The following KDR variants were observed in gnomAD, a reference collection of about 807,000 sequenced individuals.
KDR encodes kinase insert domain receptor, also known as vascular endothelial growth factor receptor 2.
In KDR, 43 loss-of-function variants were observed where a neutral mutation model predicts 160.9. That is an observed-to-expected ratio of 0.27 (90% CI 0.21 to 0.34). The LOEUF is 0.34. Among genes scored for constraint, KDR ranks in the 10% least tolerant of loss-of-function variants. The pLI is 1.00. For missense variants in KDR, 1,469 were observed against 1,666.4 expected (o/e 0.88, Z 2.06); for synonymous variants, 617 against 600.1 (o/e 1.03, Z -0.41).
chr4:55,105,270 C>T (rs1720417856), intron 12 of KDR, among the ~76,000 whole-genome samples: 1 of 152,210 alleles, frequency 6.6e-6, no homozygotes, highest in African/African-American at 2.4e-5. Flanking sequence ...AGCAAAATCT[C>T]TAATTCTAAC....
At chr4:55,114,308 T>C in intron 5 of KDR, 43 bp from the exon 6 acceptor site, 1 of 1,594,484 alleles carries the variant, frequency 6.3e-7, no homozygotes, top group South Asian at 1.1e-5. Context: ...AGAGAGCAAA[T>C]AAGCCTATAA....
intron 1 of KDR, among the ~76,000 whole-genome samples, chr4:55,123,699 G>C (rs1720954120): frequency 6.6e-6 from 1 of 152,118 alleles, no homozygotes; most frequent in African/African-American, 2.4e-5. Flanking sequence ...ACTGTAAGAG[G>C]TACACATGCT....
chr4:55,108,320 G>A (rs1411223942), intron 9 of KDR, among the ~76,000 whole-genome samples: 1 of 152,104 alleles, frequency 6.6e-6, no homozygotes, highest in Admixed American at 6.5e-5. Context: ...CCTCTCATCT[G>A]TATTACAGAG....
At chr4:55,101,104 C>T (rs889964529) in intron 15 of KDR, among the ~76,000 whole-genome samples, 4 of 152,244 alleles carry the variant, frequency 2.6e-5, no homozygotes, top group Admixed American at 2.6e-4. Flanking sequence ...AATTAAAACT[C>T]GGAATCCTTG....
At position 55,087,731 on chromosome 4, in the gene KDR, T is replaced by A. The variant is rs143459233; in HGVS notation, c.3538A>T (p.Ile1180Leu). ...QDGKDYIVLPISETLSMEEDS... is the reference protein window; with the variant it reads ...QDGKDYIVLPLSETLSMEEDS... ...TCTTCCATGCTCAAAGTCTCTGATA[T>A]CGGAAGAACAATGTAGTCTTTGCCA... The change falls in exon 27 of 30, where the codon ATA (isoleucine) becomes TTA (leucine). Residue 1180 changes from isoleucine to leucine, a missense_variant. Physicochemically the swap from Ile to Leu is conservative, Grantham distance 5 (BLOSUM62 2). This residue lies in a region of KDR where 132 missense variants were observed against 195.9 expected (regional missense o/e 0.67). Coordinates refer to ENST00000263923, the MANE Select transcript of KDR (RefSeq NM_002253.4). 256 of 1,614,030 alleles carry A rather than the reference T, an allele frequency of 1.6e-4. No homozygotes were observed. Among genetic ancestry groups the A allele is most frequent in the Non-Finnish European group, 2.1e-4 (246 of 1,179,998 alleles).
chr4:55,092,503 T>A, intron 22 of KDR, 114 bp downstream of exon 22: 1 of 784,510 alleles, frequency 1.3e-6, no homozygotes, highest in Non-Finnish European at 2.3e-6. Flanking sequence ...CTAAAAGACG[T>A]AGAAGTGGTG....
intron 7 of KDR, among the ~76,000 whole-genome samples, chr4:55,112,749 C>T (rs1377818715): frequency 2.0e-5 from 3 of 152,066 alleles, no homozygotes; most frequent in Non-Finnish European, 4.4e-5. Flanking sequence ...AGGCTGGTTT[C>T]GAACTCCTGA....
intron 3 of KDR, among the ~76,000 whole-genome samples, chr4:55,117,468 C>G (rs1578139858): frequency 6.6e-6 from 1 of 152,150 alleles, no homozygotes; most frequent in South Asian, 2.1e-4. Flanking sequence ...GAGGAGGGCA[C>G]AGAATTCTAT....
At position 55,104,982 on chromosome 4, in the gene KDR, C is replaced by A. The variant is rs772028072; in HGVS notation, c.1648G>T (p.Gly550Cys). ...ERVISFHVTRGPEITLQPDMQ... is the reference protein window; with the variant it reads ...ERVISFHVTRCPEITLQPDMQ... ...TCAGGTTGCAAAGTAATTTCAGGAC[C>A]CCCTAAAATGAAGAGGCCATAGTTA... Residue 550 changes from glycine to cysteine, a missense_variant and splice_region_variant, in exon 13 of 30, where the codon GGT becomes TGT. Transcript: ENST00000263923. 5.0e-6 allele frequency: 8 copies of A among 1,612,234 alleles called. No homozygotes were observed. In the African/African-American group the frequency reaches 9.4e-5, roughly 19 times the overall value.
At chr4:55,081,018 A>G (rs1395934514) in intron 29 of KDR, among the ~76,000 whole-genome samples, 1 of 152,206 alleles carries the variant, frequency 6.6e-6, no homozygotes, top group African/African-American at 2.4e-5. Context: ...CCCCAACAAA[A>G]CTAATGTAGG....
chr4:55,094,637 T>C (rs554412960), intron 21 of KDR, among the ~76,000 whole-genome samples, 165 bp downstream of exon 21: 1 of 152,298 alleles, frequency 6.6e-6, no homozygotes, highest in African/African-American at 2.4e-5. Context: ...CACACTTCAC[T>C]TTTGGGGAGA....
chr4:55,113,324 C>T lies in KDR; in HGVS notation c.956G>A (p.Ser319Asn). 6.2e-7 allele frequency: 1 copy of T among 1,614,070 alleles called. No homozygotes were observed. The highest frequency in any genetic ancestry group is 8.5e-7 in the Non-Finnish European group (1 of 1,179,950). ...ASSGLMTKKN[S>N]TFVRVHEKPF... The stretch of plus-strand genomic sequence containing the variant: ...CTTACCATGGACCCTGACAAATGTG[C>T]TGTTCTTCTTGGTCATCAGCCCACT... The change falls in exon 7 of 30, where the codon AGC (serine) becomes AAC (asparagine). Residue 319 changes from serine (S) to asparagine (N), a missense_variant. By Grantham distance (46) the Ser-to-Asn change is conservative. Around this residue, in one of 7 missense-constraint regions of KDR, gnomAD observed 792 missense variants for 840.9 expected, o/e 0.94. Coordinates refer to ENST00000263923, the MANE Select transcript of KDR (RefSeq NM_002253.4).
chr4:55,118,400 C>T (rs1046611996), intron 3 of KDR, among the ~76,000 whole-genome samples: 1 of 152,118 alleles, frequency 6.6e-6, no homozygotes, highest in African/African-American at 2.4e-5. Flanking sequence ...ACTAACTGGG[C>T]AAAAAAGAGG....
At chr4:55,100,634 C>T (rs6828477) in intron 15 of KDR, among the ~76,000 whole-genome samples, 90,130 of 152,058 alleles carry the variant, frequency 0.59, 27,064 homozygotes, top group East Asian at 0.78. Flanking sequence ...ATGACAAAAC[C>T]GCCATGGTCT....
chr4:55,124,549 G>C (rs948213856), intron 1 of KDR, among the ~76,000 whole-genome samples: 5 of 152,152 alleles, frequency 3.3e-5, no homozygotes, highest in Non-Finnish European at 5.9e-5. Context: ...GCTTTACGCA[G>C]GACAGTTGGC....
At chr4:55,080,188 G>T in intron 29 of KDR, 25 bp from the exon 30 acceptor site, 1 of 1,601,140 alleles carries the variant, frequency 6.2e-7, no homozygotes, top group Non-Finnish European at 8.5e-7. Flanking sequence ...GCAAACAAAG[G>T]AGTTGGCAGA....
At position 55,115,358 on chromosome 4, in the gene KDR, T is replaced by G. The variant is rs1216301937; in HGVS notation, c.412A>C (p.Ile138Leu). 3 of 1,556,602 alleles carry G rather than the reference T, an allele frequency of 1.9e-6. No individual in the cohort carries two copies. The highest frequency in any genetic ancestry group is 2.7e-6 in the Non-Finnish European group (3 of 1,127,840). ...SVSDQHGVVY[I>L]TENKNKTVVI... Reference sequence around the variant, plus strand: ...ACAGTTTTGTTTTTGTTCTCAGTAATGTACACGACTCCATGTTGGTCACTA... The same window carrying G: ...ACAGTTTTGTTTTTGTTCTCAGTAAGGTACACGACTCCATGTTGGTCACTA... The change falls in exon 4 of 30, where the codon ATT becomes CTT. Residue 138 changes from isoleucine to leucine, a missense_variant. Transcript: ENST00000263923.
rs1720439381 is a variant in KDR, at chr4:55,106,065, G to A, written c.1537-125C>T. ...GCCATTCCCACTTCTGCAGCGGTTG[G>A]ACACGCTCAAATTTATGCAATTGCA... On this transcript the variant is annotated intron_variant, in intron 11 of 29. Transcript: ENST00000263923. The A allele has an allele frequency of 4.5e-5, 34 of 759,586 alleles. No individual in the cohort carries two copies. In the South Asian group the frequency reaches 4.7e-4, roughly 10 times the overall value. 47.1% of individuals were successfully genotyped at this position (759,586 alleles called of 1,614,324 possible).
At chr4:55,089,558 A>T in intron 24 of KDR, 85 bp from the exon 25 acceptor site, 1 of 1,316,934 alleles carries the variant, frequency 7.6e-7, no homozygotes, top group Non-Finnish European at 1.1e-6. Flanking sequence ...CATCCTCATC[A>T]CCTATGTATC....
Sources: allele counts gnomAD v4.1 joint callset (sites outside exome capture counted in the v4.1 genomes callset), GRCh38; gene constraint gnomAD v4.1.1; regional missense constraint gnomAD v4.1.1; transcripts MANE v1.5; gene names NCBI Gene and HGNC (gene_info 2026-07-23, HGNC 2026-07-21).